Variants in IL1RAPL2 observed in about 807,000 individuals in gnomAD.
The protein encoded by IL1RAPL2 is interleukin 1 receptor accessory protein like 2.
Under a neutral mutation model 44.1 loss-of-function variants are expected in IL1RAPL2, and 3 were observed. The ratio of observed to expected loss-of-function variants is 0.07; its 90% CI spans 0.03 to 0.18. The LOEUF (loss-of-function observed/expected upper bound fraction) is 0.18. Ranked by LOEUF, IL1RAPL2 falls within the 10% of genes least tolerant of loss-of-function variation. The probability of loss-of-function intolerance (pLI) is 1.00; values close to 1 mark genes in which losing one functional copy is unlikely to be tolerated. For synonymous variants in IL1RAPL2, 181 were observed against 178.8 expected (o/e 1.01, Z -0.10); for missense variants, 391 against 496.4 (o/e 0.79, Z 2.02).
At chrX:105,415,766 G>A (rs1387394647) in intron 5 of IL1RAPL2, among the ~76,000 whole-genome samples, 1 of 110,814 alleles carries the variant, frequency 9.0e-6, no homozygotes, top group Non-Finnish European at 1.9e-5. Flanking sequence ...AGCACATTAC[G>A]ATCTGCATTG....
chrX:105,118,958 A>G (rs990613102), intron 2 of IL1RAPL2, among the ~76,000 whole-genome samples: 28 of 111,849 alleles, frequency 2.5e-4, no homozygotes, highest in Admixed American at 4.7e-4. Context: ...TTACTGATAC[A>G]GTGGTTAGCC....
At chrX:104,843,672 T>C (rs774771375) in intron 2 of IL1RAPL2, among the ~76,000 whole-genome samples, 2 of 109,425 alleles carry the variant, frequency 1.8e-5, no homozygotes, top group South Asian at 4.1e-4. Context: ...TTGCGCTTCC[T>C]GGGTGAAGTG....
intron 2 of IL1RAPL2, among the ~76,000 whole-genome samples, chrX:105,120,705 T>C (rs2032915194): frequency 8.9e-6 from 1 of 112,104 alleles, no homozygotes; most frequent in South Asian, 3.7e-4. Flanking sequence ...ACTTAGACTA[T>C]ACTCCCCGAT....
At chrX:105,174,758 G>A (rs1043416876) in intron 2 of IL1RAPL2, among the ~76,000 whole-genome samples, 3 of 111,489 alleles carry the variant, frequency 2.7e-5, no homozygotes, top group Non-Finnish European at 3.8e-5. Flanking sequence ...CACCCTGTAC[G>A]CTCTGGCTGA....
At chrX:104,813,111 G>T (rs1436236946) in intron 2 of IL1RAPL2, among the ~76,000 whole-genome samples, 1 of 112,114 alleles carries the variant, frequency 8.9e-6, no homozygotes, top group Non-Finnish European at 1.9e-5. Context: ...TGTTGTAAGT[G>T]ACGTACTGAT....
intron 2 of IL1RAPL2, among the ~76,000 whole-genome samples, chrX:105,068,082 G>A (rs760082975): frequency 8.9e-6 from 1 of 112,111 alleles, no homozygotes; most frequent in African/African-American, 3.2e-5. Flanking sequence ...ACATGTGAAT[G>A]TTTATTAATA....
intron 1 of IL1RAPL2, among the ~76,000 whole-genome samples, chrX:104,635,323 G>A (rs751958476): frequency 9.1e-6 from 1 of 109,598 alleles, no homozygotes; most frequent in Non-Finnish European, 1.9e-5. Flanking sequence ...TTTGTGTCTT[G>A]GAGTTGCTCT....
chrX:105,626,440 G>A (rs1432011678), intron 6 of IL1RAPL2, among the ~76,000 whole-genome samples: 1 of 111,115 alleles, frequency 9.0e-6, no homozygotes, highest in Non-Finnish European at 1.9e-5. Flanking sequence ...TCCCTCTCTA[G>A]CCTAGAGAGA....
intron 6 of IL1RAPL2, among the ~76,000 whole-genome samples, chrX:105,538,926 C>T (rs1306869780): frequency 9.0e-6 from 1 of 111,071 alleles, no homozygotes; most frequent in African/African-American, 3.3e-5. Context: ...ATCAAGAACT[C>T]AATCCCATTT....
intron 6 of IL1RAPL2, among the ~76,000 whole-genome samples, chrX:105,635,057 A>T (rs2037514639): frequency 1.8e-5 from 2 of 111,693 alleles, no homozygotes; most frequent in African/African-American, 6.5e-5. Flanking sequence ...AATGTGTTGG[A>T]TTTTAACAGG....
chrX:104,766,458 C>T (rs906344116), intron 2 of IL1RAPL2, among the ~76,000 whole-genome samples: 4 of 111,047 alleles, frequency 3.6e-5, no homozygotes, highest in Middle Eastern at 9.3e-3. Flanking sequence ...TCCTTTCCTT[C>T]CTATTTATAT....
At chrX:104,972,968 T>C (rs899219696) in intron 2 of IL1RAPL2, among the ~76,000 whole-genome samples, 4 of 112,035 alleles carry the variant, frequency 3.6e-5, no homozygotes, top group African/African-American at 1.3e-4. Context: ...ACAGGTTTAA[T>C]CCTCGATAGT....
chrX:104,762,577 CTG>C (rs1211537986), intron 2 of IL1RAPL2, among the ~76,000 whole-genome samples: 1 of 112,710 alleles, frequency 8.9e-6, no homozygotes, highest in Non-Finnish European at 1.9e-5. Flanking sequence ...AGTGGGAACT[CTG>C]TGGCAGCTCT....
At chrX:105,151,288 A>T (rs1406667386) in intron 2 of IL1RAPL2, among the ~76,000 whole-genome samples, 4 of 111,188 alleles carry the variant, frequency 3.6e-5, no homozygotes, top group Non-Finnish European at 7.5e-5. Context: ...TTTTTAGTAA[A>T]ATTACTACCA....
intron 6 of IL1RAPL2, among the ~76,000 whole-genome samples, chrX:105,604,692 G>GCA (rs1284760833): frequency 9.1e-6 from 1 of 110,219 alleles, no homozygotes; most frequent in East Asian, 2.8e-4. Context: ...AAGGACGCAT[G>GCA]CACACACACA....
chrX:105,625,948 C>T (rs1332302646), intron 6 of IL1RAPL2, among the ~76,000 whole-genome samples: 2 of 111,879 alleles, frequency 1.8e-5, no homozygotes, highest in African/African-American at 6.5e-5. Context: ...TTCAGTGTAA[C>T]AGTATCTCTC....
chrX:104,797,212 G>C (rs1405016607), intron 2 of IL1RAPL2, among the ~76,000 whole-genome samples: 1 of 38,008 alleles, frequency 2.6e-5, no homozygotes, highest in African/African-American at 1.1e-4. Context: ...GCAAAGTAAT[G>C]TTTGCTATGA....
intron 2 of IL1RAPL2, among the ~76,000 whole-genome samples, chrX:104,981,219 A>T (rs2030434111): frequency 9.1e-6 from 1 of 109,589 alleles, no homozygotes; most frequent in Non-Finnish European, 1.9e-5. Flanking sequence ...GTGTACAGAT[A>T]ATTTTGTGAC....
intron 5 of IL1RAPL2, among the ~76,000 whole-genome samples, chrX:105,397,880 C>CT (rs35429926): frequency 5.5e-5 from 6 of 109,598 alleles, no homozygotes; most frequent in Non-Finnish European, 5.7e-5. Context: ...CCCACTTACT[C>CT]TTTTTTTTTC....
Sources: gnomAD v4.1 joint callset for allele counts (sites outside exome capture counted in the v4.1 genomes callset) on GRCh38, gnomAD v4.1.1 for gene constraint, MANE v1.5 for transcripts, NCBI Gene and HGNC (gene_info 2026-07-23, HGNC 2026-07-21) for gene names.